Variants in CASP5 observed in about 807,000 individuals in gnomAD.
The protein encoded by CASP5 is caspase-5.
In CASP5, 42 loss-of-function variants were observed where a neutral mutation model predicts 45.2. The ratio of observed to expected loss-of-function variants is 0.93; its 90% CI spans 0.73 to 1.20. The LOEUF (loss-of-function observed/expected upper bound fraction) is 1.20. Ranked by LOEUF, CASP5 falls within the 50% of genes most tolerant of loss-of-function variation. The pLI is 0.00. For synonymous variants in CASP5, 209 were observed against 186.2 expected (o/e 1.12, Z -1.00); for missense variants, 512 against 532.2 (o/e 0.96, Z 0.37).
rs920652337 is a variant in CASP5 at position 105,000,201 on chromosome 11, A to G, written c.952+60T>C. On this transcript the variant is annotated intron_variant, in intron 6 of 9. Transcript: ENST00000260315. ...CATTGTTTCCCCTAAATATAAACCAAACATCACAATCCTCTGCATACACCT... is the reference window on the plus strand; with the variant it reads ...CATTGTTTCCCCTAAATATAAACCAGACATCACAATCCTCTGCATACACCT... 68 of 1,560,290 alleles carry G rather than the reference A, an allele frequency of 4.4e-5. No individual in the cohort carries two copies. In the African/African-American group the frequency reaches 8.4e-4, roughly 19 times the overall value.
At chr11:105,022,144 A>G (rs1352694456) in intron 1 of CASP5, among the ~76,000 whole-genome samples, 1 of 130,586 alleles carries the variant, frequency 7.7e-6, no homozygotes, top group African/African-American at 2.9e-5. Context: ...GGAACATCAC[A>G]CTCTGGAGCC....
intron 1 of CASP5, among the ~76,000 whole-genome samples, chr11:105,009,736 T>C (rs771715928): frequency 1.7e-3 from 108 of 64,568 alleles, no homozygotes; most frequent in African/African-American, 9.2e-3. Context: ...TATATATATA[T>C]ATATATATAT....
chr11:104,998,075 A>G (rs12419799), intron 7 of CASP5, among the ~76,000 whole-genome samples: 2 of 152,158 alleles, frequency 1.3e-5, no homozygotes, highest in Admixed American at 1.3e-4. Flanking sequence ...TCTTATGTAA[A>G]TTATCCTTAT....
intron 2 of CASP5, among the ~76,000 whole-genome samples, 165 bp from the exon 3 acceptor site, chr11:105,007,499 C>T (rs1292535801): frequency 6.6e-6 from 1 of 152,146 alleles, no homozygotes; most frequent in African/African-American, 2.4e-5. Flanking sequence ...AGAATTCTCT[C>T]ACCTATCAAA....
Position 105,002,200 on chromosome 11 carries a change from A to G in CASP5, c.545T>C (p.Ile182Thr). The G allele has an allele frequency of 2.5e-6, 4 of 1,613,538 alleles. No homozygotes were observed. The highest frequency in any genetic ancestry group is 3.4e-6 in the Non-Finnish European group (4 of 1,179,820). Residue 182 changes from isoleucine (I) to threonine (T), a missense_variant and splice_region_variant, in exon 5 of 10, where the codon ATC (isoleucine) becomes ACC (threonine). Coordinates refer to ENST00000260315, the MANE Select transcript of CASP5 (RefSeq NM_004347.5). ...LRLCKKNHDE[I>T]YPIKKREDRR... ...GTCCTCTCTCTTTTTTATTGGATAG[A>G]TCTGCAGGAGATGGAGATGAAGCAA...
chr11:105,009,484 CT>C (rs1862165159), intron 1 of CASP5, among the ~76,000 whole-genome samples: 2 of 151,386 alleles, frequency 1.3e-5, no homozygotes, highest in African/African-American at 4.8e-5. Context: ...TAACAATTTT[CT>C]GCTCAAAATG....
intron 1 of CASP5, among the ~76,000 whole-genome samples, chr11:105,019,824 G>A (rs932091474): frequency 2.8e-5 from 4 of 145,074 alleles, no homozygotes; most frequent in African/African-American, 7.5e-5. Flanking sequence ...GCATCATCCT[G>A]ATACCAAAGC....
At chr11:105,005,005 CTA>C (rs1260872269) in intron 3 of CASP5, among the ~76,000 whole-genome samples, 1 of 152,034 alleles carries the variant, frequency 6.6e-6, no homozygotes, top group Non-Finnish European at 1.5e-5. Context: ...GACAGAAATT[CTA>C]TCTTATATCC....
intron 1 of CASP5, among the ~76,000 whole-genome samples, chr11:105,018,313 C>T (rs1862745689): frequency 6.6e-6 from 1 of 150,890 alleles, no homozygotes; most frequent in Non-Finnish European, 1.5e-5. Flanking sequence ...ACAATATTAA[C>T]TTTAAATGTA....
chr11:105,020,797 G>A (rs1862912765), intron 1 of CASP5, among the ~76,000 whole-genome samples: 3 of 152,034 alleles, frequency 2.0e-5, no homozygotes, highest in Non-Finnish European at 2.9e-5. Flanking sequence ...TCACAGAATT[G>A]GAAAAAACTA....
At chr11:105,009,145 C>T in intron 1 of CASP5, 165 bp from the exon 2 acceptor site, 2 of 644,450 alleles carry the variant, frequency 3.1e-6, no homozygotes, top group Non-Finnish European at 5.3e-6. Context: ...CATTCTCTCA[C>T]CCATCAAATT....
rs779604515 is a variant in CASP5, at chr11:104,999,037, A to G, written c.953-9T>C. Reference sequence around the variant, plus strand: ...GAGTTCCCCATGTTTTTCTGTAGAGACATCAACTTTCTTTTTTTTTTATGT... The same window carrying G: ...GAGTTCCCCATGTTTTTCTGTAGAGGCATCAACTTTCTTTTTTTTTTATGT... On this transcript the variant is annotated splice_polypyrimidine_tract_variant and intron_variant, in intron 6 of 9. Transcript: ENST00000260315. 8.9e-6 allele frequency: 14 copies of G among 1,575,342 alleles called. No individual in the cohort carries two copies. The South Asian group carries it at 1.4e-4, about 16-fold the overall frequency.
chr11:104,999,162 C>A, intron 6 of CASP5, 134 bp from the exon 7 acceptor site: 1 of 693,086 alleles, frequency 1.4e-6, no homozygotes, highest in Non-Finnish European at 2.3e-6. Context: ...AGGTTTTAAG[C>A]CCACATGCAT....
chr11:105,015,241 G>T (rs190961805), intron 1 of CASP5, among the ~76,000 whole-genome samples: 70 of 152,282 alleles, frequency 4.6e-4, no homozygotes, highest in African/African-American at 1.7e-3. Flanking sequence ...TCCTTTTCTA[G>T]ACACCTTCCT....
rs1861757523 is a variant in CASP5, at chr11:105,002,042, T to G, written c.703A>C (p.Asn235His). Residue 235 changes from asparagine (N) to histidine (H), a missense_variant, in exon 5 of 10, where the codon AAT becomes CAT. By Grantham distance (68) the Asn-to-His change is moderately conservative. Coordinates refer to ENST00000260315, the MANE Select transcript of CASP5 (RefSeq NM_004347.5). ...GLGYTVVDEKNLTARDMESVL... is the reference protein window; with the variant it reads ...GLGYTVVDEKHLTARDMESVL... ...GGGGTTCTTACCCTGGCTGTGAGAT[T>G]CTTTTCGTCAACCACAGTGTAGCCC... 1 of 1,614,016 alleles carries G rather than the reference T, an allele frequency of 6.2e-7. No homozygotes were observed. The highest frequency in any genetic ancestry group is 8.5e-7 in the Non-Finnish European group (1 of 1,179,960).
At chr11:105,003,503 G>GTAACCCCTAAATTAGGTAACCCCTAAA in intron 3 of CASP5, 120 bp from the exon 4 acceptor site, 1 of 576,730 alleles carries the variant, frequency 1.7e-6, no homozygotes, top group Non-Finnish European at 3.0e-6. Flanking sequence ...ATATTTAGGG[G>GTAACCCCTAAATTAGGTAACCCCTAAA]TTATAGCTGT....
chr11:105,005,354 A>ATGTGTGTGTG lies in CASP5; in HGVS notation c.433+1728_433+1729insCACACACACA, dbSNP rs1383458291. ...TCATCGGTATATAGTGTGTATATAT[A>ATGTGTGTGTG]TATGTGTGTGTGTGTGTGTGTGTGT... On this transcript the variant is annotated intron_variant, in intron 3 of 9. Transcript: ENST00000260315. 3.5e-3 allele frequency among the ~76,000 whole-genome samples: 394 copies of ATGTGTGTGTG among 113,982 alleles called. 1 individual carries two copies. Among genetic ancestry groups the ATGTGTGTGTG allele is most frequent in the Admixed American group, 5.9e-3 (63 of 10,732 alleles). The allele number at this position is 113,982 out of a possible 152,430, so 74.8% of individuals were successfully genotyped here. A position where few individuals can be genotyped will look rare whatever the true frequency, so the allele number is the denominator to read the frequency against.
intron 3 of CASP5, among the ~76,000 whole-genome samples, chr11:105,003,754 G>C (rs2134603): frequency 0.021 from 3,239 of 152,166 alleles, 53 homozygotes; most frequent in Non-Finnish European, 0.034. Flanking sequence ...CTGGGCAAGA[G>C]TGTGCTAAGT....
At chr11:105,003,186 C>G (rs1861827885) in intron 4 of CASP5, 88 bp downstream of exon 4, 3 of 857,152 alleles carry the variant, frequency 3.5e-6, no homozygotes, top group South Asian at 2.7e-5. Context: ...GGCAACAGAG[C>G]AAGACCCCAT....
Sources: allele counts gnomAD v4.1 joint callset (sites outside exome capture counted in the v4.1 genomes callset), GRCh38; gene constraint gnomAD v4.1.1; transcripts MANE v1.5; gene names NCBI Gene and HGNC (gene_info 2026-07-23, HGNC 2026-07-21).